FAM98B: variants seen among roughly 807,000 people sequenced by gnomAD.
FAM98B encodes the protein tRNA-splicing ligase complex subunit FAM98B.
In FAM98B, 32 loss-of-function variants were observed where a neutral mutation model predicts 43.9. That is an observed-to-expected ratio of 0.73 (90% CI 0.55 to 0.98). FAM98B has a LOEUF of 0.98. Ranked by LOEUF, FAM98B falls within the 50% of genes least tolerant of loss-of-function variation. The pLI is 0.00. For synonymous variants in FAM98B, 190 were observed against 174.0 expected, an observed-to-expected ratio of 1.09 and a Z score of -0.72; for missense variants, 514 against 522.9, an observed-to-expected ratio of 0.98 and a Z score of 0.17.
At chr15:38,463,976 G>C in intron 1 of FAM98B, 56 bp from the exon 2 acceptor site, 3 of 1,511,282 alleles carry the variant, frequency 2.0e-6, no homozygotes, top group Non-Finnish European at 2.7e-6. Context: ...GAGTGTTGGA[G>C]GTTTTTTTGT....
chr15:38,472,680 C>A lies in FAM98B; in HGVS notation c.532-825C>A, dbSNP rs573747391. Among the ~76,000 whole-genome samples, 4 of 152,136 alleles carry A rather than the reference C, an allele frequency of 2.6e-5. No individual in the cohort carries two copies. In the South Asian group the frequency reaches 8.3e-4, roughly 32 times the overall value. On this transcript the variant is annotated intron_variant, in intron 4 of 7. Transcript: ENST00000397609. The stretch of plus-strand genomic sequence containing the variant: ...ATTTACAGTTACTCCACATTACAAC[C>A]CCAGCTTCCAAGCTAATTTTGAATT...
chr15:38,463,868 G>T (rs1423604870), intron 1 of FAM98B, among the ~76,000 whole-genome samples, 164 bp from the exon 2 acceptor site: 1 of 152,186 alleles, frequency 6.6e-6, no homozygotes, highest in Non-Finnish European at 1.5e-5. Flanking sequence ...TTCCATTGTA[G>T]TGTGGAAACA....
chr15:38,471,977 C>T (rs1890136717), intron 4 of FAM98B, among the ~76,000 whole-genome samples: 1 of 152,068 alleles, frequency 6.6e-6, no homozygotes, highest in African/African-American at 2.4e-5. Context: ...TAATACATCA[C>T]CCCTGTGTTG....
rs1394475409 is a variant in FAM98B at position 38,484,602 on chromosome 15, AGGAGGTGGT to A, written c.1248_1256del (p.Gly427_Gly429del). On this transcript the variant is annotated inframe_deletion, in exon 8 of 8. Coordinates refer to ENST00000397609, the MANE Select transcript of FAM98B (RefSeq NM_173611.4). ...GAAGAGGCTATGGAGATCCATATGG[AGGAGGTGGT>A]GGTGGTGGTGGTGGTGGTGGTGGAG... 8.7e-5 allele frequency: 88 copies of A among 1,009,634 alleles called. No homozygotes were observed. In the Middle Eastern group the frequency reaches 1.1e-3, roughly 13 times the overall value. The allele number at this position is 1,009,634 out of a possible 1,614,324, so 62.5% of individuals were successfully genotyped here.
In FAM98B at chr15:38,464,135, A is replaced by T. The variant is rs760020666; in HGVS notation, c.175A>T (p.Ile59Leu). The change falls in exon 2 of 8, where the codon ATA becomes TTA. Residue 59 changes from isoleucine (I) to leucine (L), a missense_variant. Ile to Leu is a conservative substitution (Grantham distance 5, BLOSUM62 2). This residue lies in a region of FAM98B where 469 missense variants were observed against 451.8 expected (regional missense o/e 1.04). Transcript: ENST00000397609. ...GCTCTGTATTTGGTTAGGCTCTCAAATAAAATCATTATGCAACTTGGAAGA... is the reference window on the plus strand; with the variant it reads ...GCTCTGTATTTGGTTAGGCTCTCAATTAAAATCATTATGCAACTTGGAAGA... ...SELCIWLGSQ[I>L]KSLCNLEESI... 6.2e-7 allele frequency: 1 copy of T among 1,613,434 alleles called. No homozygotes were observed. Among genetic ancestry groups the T allele is most frequent in the East Asian group, 2.2e-5 (1 of 44,860 alleles).
At chr15:38,466,126 C>G (rs1197269777) in intron 3 of FAM98B, among the ~76,000 whole-genome samples, 1 of 151,652 alleles carries the variant, frequency 6.6e-6, no homozygotes, top group Non-Finnish European at 1.5e-5. Context: ...TTACACGTGA[C>G]ATATTCCTCC....
intron 1 of FAM98B, among the ~76,000 whole-genome samples, chr15:38,461,555 T>C (rs1302414550): frequency 2.0e-5 from 3 of 152,062 alleles, no homozygotes; most frequent in Non-Finnish European, 4.4e-5. Flanking sequence ...TATATATATA[T>C]ATGCCTAGCA....
At chr15:38,478,783 T>C (rs1395153271) in intron 6 of FAM98B, among the ~76,000 whole-genome samples, 1 of 152,204 alleles carries the variant, frequency 6.6e-6, no homozygotes, top group Non-Finnish European at 1.5e-5. Context: ...AAAGGTTATG[T>C]AGTTTCTTTT....
chr15:38,455,311 A>G (rs977025462), intron 1 of FAM98B, among the ~76,000 whole-genome samples: 1 of 152,228 alleles, frequency 6.6e-6, no homozygotes, highest in African/African-American at 2.4e-5. Flanking sequence ...AGCCATCTGC[A>G]CATTTGTTTG....
At chr15:38,481,130 C>G (rs1400146399) in intron 6 of FAM98B, among the ~76,000 whole-genome samples, 162 bp from the exon 7 acceptor site, 1 of 152,018 alleles carries the variant, frequency 6.6e-6, no homozygotes, top group Non-Finnish European at 1.5e-5. Context: ...TTTATTTGTT[C>G]TAAATTATTC....
chr15:38,481,338 C>G lies in FAM98B; in HGVS notation c.776C>G (p.Ala259Gly), dbSNP rs1239118180. 6.2e-7 allele frequency: 1 copy of G among 1,614,106 alleles called. No homozygotes were observed. The highest frequency in any genetic ancestry group is 8.5e-7 in the Non-Finnish European group (1 of 1,180,020). ...AGAATTTATCAGCCTAAGCGTTATGCTTTGTCACCCAAGACAACGATTACA... is the reference window on the plus strand; with the variant it reads ...AGAATTTATCAGCCTAAGCGTTATGGTTTGTCACCCAAGACAACGATTACA... ...IARIYQPKRY[A>G]LSPKTTITMA... Residue 259 changes from alanine to glycine, a missense_variant, in exon 7 of 8, where the codon GCT becomes GGT. By Grantham distance (60) the Ala-to-Gly change is moderately conservative. Transcript: ENST00000397609.
At chr15:38,457,577 G>T (rs1426776103) in intron 1 of FAM98B, among the ~76,000 whole-genome samples, 1 of 152,194 alleles carries the variant, frequency 6.6e-6, no homozygotes, top group Non-Finnish European at 1.5e-5. Flanking sequence ...TGCAGTGGTT[G>T]TAAGTAATGG....
In FAM98B at chr15:38,484,703, C is replaced by A; in HGVS notation, c.*44C>A. 6.7e-7 allele frequency: 1 copy of A among 1,491,234 alleles called. No individual in the cohort carries two copies. The highest frequency in any genetic ancestry group is 1.5e-5 in the African/African-American group (1 of 68,756). The allele number at this position is 1,491,234 out of a possible 1,614,324, so 92.4% of individuals were successfully genotyped here. A position where few individuals can be genotyped will look rare whatever the true frequency, so the allele number is the denominator to read the frequency against. ...AGCAGTGCTTGCTTCTTTATAGATA[C>A]ATTAGAAATAGTGTTCCAAATAACA... On this transcript the variant is annotated 3_prime_UTR_variant, in exon 8 of 8. Coordinates refer to ENST00000397609, the MANE Select transcript of FAM98B (RefSeq NM_173611.4).
intron 1 of FAM98B, 60 bp downstream of exon 1, chr15:38,454,292 T>C: frequency 1.3e-6 from 2 of 1,527,234 alleles, no homozygotes; most frequent in Non-Finnish European, 1.8e-6. Flanking sequence ...GCCTGGCTGC[T>C]TAGCCTACTT....
intron 3 of FAM98B, among the ~76,000 whole-genome samples, chr15:38,469,171 G>T (rs1890085146): frequency 6.6e-6 from 1 of 151,452 alleles, no homozygotes; most frequent in Non-Finnish European, 1.5e-5. Context: ...TTCCCAAAGT[G>T]CTGGGATTAT....
rs1240925769 is a variant in FAM98B, at chr15:38,487,070, C to T, written c.*2411C>T. ...CCTGGTACCTAATAGCAAATATAGA[C>T]ATGATCTTACTGGGAGTTTCTGCCT... On this transcript the variant is annotated 3_prime_UTR_variant, in exon 8 of 8. Coordinates refer to ENST00000397609, the MANE Select transcript of FAM98B (RefSeq NM_173611.4). The T allele has an allele frequency of 1.3e-5, 2 of 151,946 alleles. No homozygotes were observed. Among genetic ancestry groups the T allele is most frequent in the African/African-American group, 4.8e-5 (2 of 41,370 alleles). The allele number at this position is 151,946 out of a possible 1,614,324, so 9.4% of individuals were successfully genotyped here. A position where few individuals can be genotyped will look rare whatever the true frequency, so the allele number is the denominator to read the frequency against.
chr15:38,475,221 G>A (rs62002942), intron 6 of FAM98B, among the ~76,000 whole-genome samples: 1,684 of 152,100 alleles, frequency 0.011, 19 homozygotes, highest in Non-Finnish European at 0.019. Context: ...CAGGGCGATG[G>A]TTTTGGCATG....
rs1890337346 is a variant in FAM98B, at chr15:38,484,475, G to A, written c.1118G>A (p.Gly373Glu). 1 of 759,140 alleles carries A rather than the reference G, an allele frequency of 1.3e-6. No homozygotes were observed. Among genetic ancestry groups the A allele is most frequent in the Non-Finnish European group, 1.7e-6 (1 of 597,452 alleles). 47.0% of individuals were successfully genotyped at this position (759,140 alleles called of 1,614,324 possible). The change falls in exon 8 of 8, where the codon GGA becomes GAA. Residue 373 changes from glycine (G) to glutamate (E), a missense_variant. Gly to Glu is a moderately conservative substitution (Grantham distance 98). This residue lies in a region of FAM98B where 469 missense variants were observed against 451.8 expected (regional missense o/e 1.04). Transcript: ENST00000397609. ...GGTTGGGGAGGTGGTGGGGGAGGGG[G>A]AGGAGGGTGGGGGGGAGGAGGAGGA... ...GGGWGGGGGGGGGWGGGGGGG... is the reference protein window; with the variant it reads ...GGGWGGGGGGEGGWGGGGGGG...
At chr15:38,473,049 C>T (rs1890149626) in intron 4 of FAM98B, among the ~76,000 whole-genome samples, 1 of 152,046 alleles carries the variant, frequency 6.6e-6, no homozygotes, top group Non-Finnish European at 1.5e-5. Flanking sequence ...TGGCTTGCTC[C>T]CTTATGTTGT....
Sources: allele counts gnomAD v4.1 joint callset (sites outside exome capture counted in the v4.1 genomes callset), GRCh38; gene constraint gnomAD v4.1.1; regional missense constraint gnomAD v4.1.1; transcripts MANE v1.5; gene names NCBI Gene and HGNC (gene_info 2026-07-23, HGNC 2026-07-21).